The following ACTR3C variants were observed in gnomAD, a reference collection of about 807,000 sequenced individuals.
ACTR3C encodes actin related protein 3C.
A neutral mutation model predicts 26.3 loss-of-function variants in ACTR3C; 18 were observed. The observed-to-expected ratio is 0.68, with a 90% CI of 0.47 to 1.01. The LOEUF (loss-of-function observed/expected upper bound fraction) is 1.01, where lower values mean the gene tolerates loss of function less well. ACTR3C is among the 50% of genes least tolerant of loss of function. The probability of loss-of-function intolerance (pLI) is 0.00; values close to 1 mark genes in which losing one functional copy is unlikely to be tolerated. For synonymous variants in ACTR3C, 55 were observed against 94.5 expected (o/e 0.58, Z 2.42); for missense variants, 184 against 250.7 (o/e 0.73, Z 1.80).
At chr7:149,887,362 CCTT>C in the ACTR3C span, among the ~76,000 whole-genome samples, 1 of 152,164 alleles carries the variant, frequency 6.6e-6, no homozygotes, top group Non-Finnish European at 1.5e-5. Flanking sequence ...AATGTAACCT[CCTT>C]ATTACCTTAT....
chr7:150,043,087 G>C, the ACTR3C span, among the ~76,000 whole-genome samples: 1 of 151,418 alleles, frequency 6.6e-6, no homozygotes, highest in Non-Finnish European at 1.5e-5. Context: ...CCTGCCTTCT[G>C]CCCTTAAGCT....
chr7:149,959,427 G>A, the ACTR3C span, among the ~76,000 whole-genome samples: 1 of 152,136 alleles, frequency 6.6e-6, no homozygotes, highest in Non-Finnish European at 1.5e-5. Flanking sequence ...TGGTGTATGG[G>A]GGGAAGACAT....
At chr7:150,104,999 AT>A in the ACTR3C span, among the ~76,000 whole-genome samples, 1 of 151,538 alleles carries the variant, frequency 6.6e-6, no homozygotes, top group South Asian at 2.1e-4. Context: ...AGAGAAGCTA[AT>A]TTTTTTTCTA....
chr7:149,964,029 G>C, the ACTR3C span, among the ~76,000 whole-genome samples: 3 of 152,072 alleles, frequency 2.0e-5, no homozygotes, highest in African/African-American at 4.8e-5. Context: ...GGAGCAACAT[G>C]AGCCAGGCTT....
the ACTR3C span, chr7:150,047,592 C>T: frequency 1.9e-5 from 20 of 1,051,808 alleles, no homozygotes; most frequent in East Asian, 6.3e-5. Flanking sequence ...CGTCCCCCGC[C>T]CCCGAGAAGC....
the ACTR3C span, among the ~76,000 whole-genome samples, chr7:150,205,502 C>T: frequency 1.3e-5 from 2 of 152,172 alleles, no homozygotes; most frequent in Non-Finnish European, 2.9e-5. Context: ...AACTACGCAA[C>T]TCCAATTGCC....
intron 1 of ACTR3C, among the ~76,000 whole-genome samples, chr7:150,304,561 G>A (rs945451948): frequency 6.6e-6 from 1 of 152,106 alleles, no homozygotes; most frequent in African/African-American, 2.4e-5. Context: ...GTGTAGCCCA[G>A]TCAGACCCTT....
At chr7:149,986,461 T>C in the ACTR3C span, among the ~76,000 whole-genome samples, 1 of 152,208 alleles carries the variant, frequency 6.6e-6, no homozygotes, top group African/African-American at 2.4e-5. Context: ...GATTCTTCCC[T>C]GACTACCCAA....
At chr7:149,955,419 C>A in the ACTR3C span, among the ~76,000 whole-genome samples, 1 of 152,166 alleles carries the variant, frequency 6.6e-6, no homozygotes, top group East Asian at 1.9e-4. Context: ...ATGCCAAGCA[C>A]AATGCAAGGT....
intron 3 of ACTR3C, among the ~76,000 whole-genome samples, chr7:150,291,248 T>C (rs901260216): frequency 2.0e-5 from 3 of 152,272 alleles, no homozygotes; most frequent in East Asian, 1.9e-4. Context: ...CTGACCAATA[T>C]GGAGAAACCC....
chr7:150,295,089 G>C (rs1056640581), intron 2 of ACTR3C, among the ~76,000 whole-genome samples, 163 bp downstream of exon 2: 3 of 151,972 alleles, frequency 2.0e-5, no homozygotes, highest in African/African-American at 7.3e-5. Context: ...AAAAGTCATG[G>C]GACACCTTCC....
chr7:150,049,303 C>T, the ACTR3C span, among the ~76,000 whole-genome samples: 1 of 152,110 alleles, frequency 6.6e-6, no homozygotes, highest in Non-Finnish European at 1.5e-5. Context: ...GTCTCGTCCC[C>T]ACGTCCTCCT....
In ACTR3C at chr7:150,248,937, C is replaced by A. The variant is rs767859536; in HGVS notation, c.*38+11G>T. ...AGAGCCTAGAATTAAAAATGAAAAT[C>A]ATGAGAATACCTCAAATAAAAGGCT... On this transcript the variant is annotated intron_variant, in intron 7 of 7. Coordinates refer to ENST00000683684, the MANE Select transcript of ACTR3C (RefSeq NM_001164458.2). 2 of 525,482 alleles carry A rather than the reference C, an allele frequency of 3.8e-6. No homozygotes were observed. Among genetic ancestry groups the A allele is most frequent in the South Asian group, 5.4e-5 (2 of 36,940 alleles). 32.6% of individuals were successfully genotyped at this position (525,482 alleles called of 1,614,324 possible). A position where few individuals can be genotyped will look rare whatever the true frequency, so the allele number is the denominator to read the frequency against.
the ACTR3C span, among the ~76,000 whole-genome samples, chr7:150,136,300 G>A: frequency 1.1e-4 from 17 of 152,180 alleles, no homozygotes; most frequent in African/African-American, 3.9e-4. Flanking sequence ...GCCAACAAGA[G>A]ATGAATGAGA....
the ACTR3C span, among the ~76,000 whole-genome samples, chr7:150,024,627 A>T: frequency 6.7e-6 from 1 of 148,550 alleles, no homozygotes; most frequent in African/African-American, 2.5e-5. Flanking sequence ...GGCTATTTTT[A>T]TTTCCATCCG....
At chr7:149,882,294 G>GTGA in the ACTR3C span, among the ~76,000 whole-genome samples, 1 of 152,226 alleles carries the variant, frequency 6.6e-6, no homozygotes, top group Non-Finnish European at 1.5e-5. Flanking sequence ...CTTGCCTTCT[G>GTGA]TGATATTGGA....
chr7:150,039,344 C>CTG, the ACTR3C span, among the ~76,000 whole-genome samples: 1 of 145,814 alleles, frequency 6.9e-6, no homozygotes, highest in Non-Finnish European at 1.5e-5. Flanking sequence ...TCAGTCCCCA[C>CTG]CCTCGTGGGG....
the ACTR3C span, among the ~76,000 whole-genome samples, chr7:150,230,357 TTTC>T: frequency 6.6e-6 from 1 of 152,210 alleles, no homozygotes; most frequent in Admixed American, 6.5e-5. Flanking sequence ...AGATAATCCA[TTTC>T]TTCTTGTACA....
At chr7:150,135,253 C>T in the ACTR3C span, among the ~76,000 whole-genome samples, 4 of 152,132 alleles carry the variant, frequency 2.6e-5, no homozygotes, top group Non-Finnish European at 5.9e-5. Flanking sequence ...ACCCGGGGGA[C>T]ACAGCGAGAC....
Sources: allele counts gnomAD v4.1 joint callset (sites outside exome capture counted in the v4.1 genomes callset), GRCh38; gene constraint gnomAD v4.1.1; transcripts MANE v1.5; gene names NCBI Gene and HGNC (gene_info 2026-07-23, HGNC 2026-07-21).